The following TSPAN13 variants were observed in gnomAD, a reference collection of about 807,000 sequenced individuals.
TSPAN13 encodes the protein tetraspanin-13.
A neutral mutation model predicts 26.9 loss-of-function variants in TSPAN13; 18 were observed. The observed-to-expected ratio is 0.67, with a 90% CI of 0.46 to 0.99. The LOEUF is 0.99. Among genes scored for constraint, TSPAN13 ranks in the 50% least tolerant of loss-of-function variants. The probability of loss-of-function intolerance (pLI) is 0.00; values close to 1 mark genes in which losing one functional copy is unlikely to be tolerated. For missense variants in TSPAN13, 201 were observed against 249.6 expected (o/e 0.81, Z 1.31); for synonymous variants, 116 against 98.4 (o/e 1.18, Z -1.06).
intron 1 of TSPAN13, among the ~76,000 whole-genome samples, chr7:16,755,955 T>C (rs1340892240): frequency 2.0e-5 from 3 of 152,192 alleles, no homozygotes; most frequent in African/African-American, 4.8e-5. Context: ...ACTTAATGAA[T>C]TGGAAATTCA....
At chr7:16,755,537 T>C (rs1244430763) in intron 1 of TSPAN13, among the ~76,000 whole-genome samples, 1 of 125,804 alleles carries the variant, frequency 7.9e-6, no homozygotes, top group Non-Finnish European at 1.6e-5. Flanking sequence ...ACCAGTTCTC[T>C]AGGGTTTTTT....
intron 1 of TSPAN13, among the ~76,000 whole-genome samples, chr7:16,761,631 CCTT>C (rs1251865668): frequency 2.6e-5 from 4 of 151,846 alleles, no homozygotes; most frequent in African/African-American, 9.7e-5. Context: ...GATCCTCTCA[CCTT>C]CTCTCCTTCT....
intron 1 of TSPAN13, among the ~76,000 whole-genome samples, chr7:16,765,198 G>A (rs1784592076): frequency 6.6e-6 from 1 of 152,066 alleles, no homozygotes; most frequent in African/African-American, 2.4e-5. Flanking sequence ...GACCTCCTGG[G>A]CTGAAGCTAT....
intron 1 of TSPAN13, among the ~76,000 whole-genome samples, chr7:16,764,618 G>C (rs2115325977): frequency 6.6e-6 from 1 of 152,222 alleles, no homozygotes; most frequent in East Asian, 1.9e-4. Context: ...CATATGAGTG[G>C]AGTCCTTATT....
intron 1 of TSPAN13, among the ~76,000 whole-genome samples, chr7:16,766,643 G>A (rs941877014): frequency 5.9e-5 from 9 of 152,296 alleles, no homozygotes; most frequent in African/African-American, 2.2e-4. Context: ...GACTGCTCTT[G>A]AATATGCATA....
intron 1 of TSPAN13, among the ~76,000 whole-genome samples, chr7:16,759,832 G>T (rs1784522588): frequency 6.6e-6 from 1 of 151,998 alleles, no homozygotes; most frequent in Non-Finnish European, 1.5e-5. Context: ...GGGACTACAG[G>T]CATGTACCAC....
intron 1 of TSPAN13, among the ~76,000 whole-genome samples, chr7:16,768,458 C>T (rs1383467553): frequency 6.6e-6 from 1 of 152,156 alleles, no homozygotes; most frequent in Non-Finnish European, 1.5e-5. Context: ...CAGCTTTTCC[C>T]ATCTGGAAAA....
At position 16,760,954 on chromosome 7, in the gene TSPAN13, T is replaced by C. The variant is rs554280720; in HGVS notation, c.63+6924T>C. Among the ~76,000 whole-genome samples, 22 of 152,360 alleles carry C rather than the reference T, an allele frequency of 1.4e-4. No individual in the cohort carries two copies. In the South Asian group the frequency reaches 3.3e-3, roughly 23 times the overall value. Reference sequence around the variant, plus strand: ...ACAGCCCTGGCATGTGGTTGGCATTTAGTTAATTGAATGCAGGAATCAGTA... The same window carrying C: ...ACAGCCCTGGCATGTGGTTGGCATTCAGTTAATTGAATGCAGGAATCAGTA... On this transcript the variant is annotated intron_variant, in intron 1 of 5. Transcript: ENST00000262067.
intron 1 of TSPAN13, among the ~76,000 whole-genome samples, chr7:16,763,720 G>A (rs1784574050): frequency 6.6e-6 from 1 of 152,316 alleles, no homozygotes; most frequent in South Asian, 2.1e-4. Context: ...TTGATAGAAG[G>A]ATGGGCAGCC....
chr7:16,780,298 C>T (rs1784801332), intron 5 of TSPAN13, among the ~76,000 whole-genome samples: 1 of 152,062 alleles, frequency 6.6e-6, no homozygotes, highest in Non-Finnish European at 1.5e-5. Context: ...CAGGGTTTCA[C>T]CATGTTGGCC....
intron 3 of TSPAN13, 126 bp from the exon 4 acceptor site, chr7:16,777,672 G>A (rs1784769209): frequency 1.7e-6 from 1 of 600,942 alleles, no homozygotes; most frequent in African/African-American, 1.9e-5. Flanking sequence ...ATAAGCCTTT[G>A]AAAAGTTTTA....
intron 1 of TSPAN13, among the ~76,000 whole-genome samples, chr7:16,765,635 G>C (rs934146764): frequency 1.3e-5 from 2 of 152,074 alleles, no homozygotes; most frequent in African/African-American, 4.8e-5. Context: ...CTTTTTATAT[G>C]ATTCACCTTT....
chr7:16,782,155 T>C (rs900855714), intron 5 of TSPAN13, among the ~76,000 whole-genome samples: 1 of 152,234 alleles, frequency 6.6e-6, no homozygotes, highest in Non-Finnish European at 1.5e-5. Context: ...TTGTTATGTT[T>C]GTTAAATACA....
chr7:16,753,834 G>T lies in TSPAN13; in HGVS notation c.-134G>T. 1.1e-6 allele frequency: 1 copy of T among 950,514 alleles called. No homozygotes were observed. The allele number at this position is 950,514 out of a possible 1,614,324, so 58.9% of individuals were successfully genotyped here. A position where few individuals can be genotyped will look rare whatever the true frequency, so the allele number is the denominator to read the frequency against. On this transcript the variant is annotated 5_prime_UTR_variant, in exon 1 of 6. Transcript: ENST00000262067. ...CGCGCGCCGCGCACTGCAGCCCCAG[G>T]CCCCGGCCCCCCACCCACGTCTGCG...
chr7:16,778,971 A>G, intron 4 of TSPAN13, 32 bp from the exon 5 acceptor site: 1 of 1,494,840 alleles, frequency 6.7e-7, no homozygotes, highest in East Asian at 2.3e-5. Context: ...ATGTATTTTG[A>G]AATAAAGGTT....
At position 16,783,524 on chromosome 7, in the gene TSPAN13, T is replaced by C. The variant is rs768471251; in HGVS notation, c.*33T>C. ...ACAAGGAAGATTTCCTTTCGTATTA[T>C]GATCTTGTTCACTTTCTGTAATTTT... On this transcript the variant is annotated 3_prime_UTR_variant, in exon 6 of 6. Coordinates refer to ENST00000262067, the MANE Select transcript of TSPAN13 (RefSeq NM_014399.4). The C allele has an allele frequency of 2.1e-5, 34 of 1,595,472 alleles. No individual in the cohort carries two copies. The highest frequency in any genetic ancestry group is 2.6e-5 in the Non-Finnish European group (30 of 1,163,504).
chr7:16,763,524 C>T (rs529992420), intron 1 of TSPAN13, among the ~76,000 whole-genome samples: 3 of 152,344 alleles, frequency 2.0e-5, no homozygotes, highest in African/African-American at 7.2e-5. Context: ...TGCCTCTGCT[C>T]AGTTTCTTTT....
intron 1 of TSPAN13, among the ~76,000 whole-genome samples, chr7:16,758,663 A>C (rs1396523972): frequency 6.6e-6 from 1 of 152,240 alleles, no homozygotes; most frequent in East Asian, 1.9e-4. Context: ...TTAAAGCATG[A>C]AAGTTGGCAT....
At chr7:16,761,683 C>G (rs1047708281) in intron 1 of TSPAN13, among the ~76,000 whole-genome samples, 17 of 141,452 alleles carry the variant, frequency 1.2e-4, no homozygotes, top group Non-Finnish European at 6.0e-5. Context: ...CCCTACCCAG[C>G]TAATTAATTT....
Sources: allele counts gnomAD v4.1 joint callset (sites outside exome capture counted in the v4.1 genomes callset), GRCh38; gene constraint gnomAD v4.1.1; transcripts MANE v1.5; gene names NCBI Gene and HGNC (gene_info 2026-07-23, HGNC 2026-07-21).